VCL: variants seen among roughly 807,000 people sequenced by gnomAD.
The protein encoded by VCL is epididymis luminal protein 114.
In VCL, 47 loss-of-function variants were observed where a neutral mutation model predicts 125.7. The ratio of observed to expected loss-of-function variants is 0.37; its 90% CI spans 0.30 to 0.48. The LOEUF (loss-of-function observed/expected upper bound fraction) is 0.48. Ranked by LOEUF, VCL falls within the 20% of genes least tolerant of loss-of-function variation. The probability of loss-of-function intolerance (pLI) is 0.99; values close to 1 mark genes in which losing one functional copy is unlikely to be tolerated. For synonymous variants in VCL, 458 were observed against 514.6 expected (o/e 0.89, Z 1.49); for missense variants, 1,069 against 1,455.5 (o/e 0.73, Z 4.32).
chr10:74,097,734 C>T lies in VCL; in HGVS notation c.1872+402C>T, dbSNP rs1839993519. ...GGAAGAAATGAAGAATGGGGGTACTCCAGTCACAACTGTGCCTTTCGAGTC... is the reference window on the plus strand; with the variant it reads ...GGAAGAAATGAAGAATGGGGGTACTTCAGTCACAACTGTGCCTTTCGAGTC... On this transcript the variant is annotated intron_variant, in intron 13 of 21. Transcript: ENST00000211998. The surrounding 1 kb of genome is among the most constrained non-coding windows in gnomAD (Gnocchi z 4.1). Among the ~76,000 whole-genome samples, 1 of 152,116 alleles carries T rather than the reference C, an allele frequency of 6.6e-6. No individual in the cohort carries two copies. The highest frequency in any genetic ancestry group is 2.4e-5 in the African/African-American group (1 of 41,418).
chr10:74,117,898 A>C, intron 21 of VCL, 125 bp from the exon 22 acceptor site: 1 of 1,391,058 alleles, frequency 7.2e-7, no homozygotes. Context: ...CTAGTGATGC[A>C]AGCAAATATG....
At chr10:74,110,990 G>A (rs1387808649) in intron 18 of VCL, among the ~76,000 whole-genome samples, 1 of 152,278 alleles carries the variant, frequency 6.6e-6, no homozygotes, top group Admixed American at 6.5e-5. Flanking sequence ...CACTTGCCAA[G>A]TTCACATATT....
At chr10:74,096,506 A>C (rs1221659166) in intron 12 of VCL, among the ~76,000 whole-genome samples, 1 of 152,172 alleles carries the variant, frequency 6.6e-6, no homozygotes, top group East Asian at 1.9e-4. Context: ...AAATTATCTC[A>C]GGTATCACCA....
intron 2 of VCL, among the ~76,000 whole-genome samples, chr10:74,069,288 C>T (rs1275607882): frequency 6.6e-6 from 1 of 152,148 alleles, no homozygotes; most frequent in Admixed American, 6.5e-5. Context: ...GATCTGCCCA[C>T]CTTGGCCTCT....
At chr10:73,999,019 C>T (rs1840173365) in intron 1 of VCL, among the ~76,000 whole-genome samples, 1 of 152,156 alleles carries the variant, frequency 6.6e-6, no homozygotes, top group Non-Finnish European at 1.5e-5. Context: ...TACTTATGCT[C>T]ACTCCTCTGG....
In VCL at chr10:74,001,900, G is replaced by A. The variant is rs114007722; in HGVS notation, c.168+3525G>A. 3.3e-3 allele frequency among the ~76,000 whole-genome samples: 499 copies of A among 152,200 alleles called. 2 individuals are homozygous for A. The highest frequency in any genetic ancestry group is 0.011 in the African/African-American group (474 of 41,504). ...AATTAGTCTTATTTTGGTCAAGAAA[G>A]TGTACATTTTGACTGAAGTAGGCAT... On this transcript the variant is annotated intron_variant, in intron 1 of 21. Transcript: ENST00000211998.
At chr10:74,096,005 C>A in intron 12 of VCL, 150 bp downstream of exon 12, 2 of 1,043,290 alleles carry the variant, frequency 1.9e-6, no homozygotes, top group Non-Finnish European at 2.7e-6. Context: ...AAATCTAGAG[C>A]TTATTAGGAA....
chr10:74,037,999 C>CTTTTT (rs56198344), intron 1 of VCL, among the ~76,000 whole-genome samples: 16 of 130,050 alleles, frequency 1.2e-4, no homozygotes, highest in East Asian at 4.1e-4. Flanking sequence ...CTTTTCTTTT[C>CTTTTT]TTTTTTTTTT....
intron 2 of VCL, among the ~76,000 whole-genome samples, chr10:74,067,960 C>T (rs943761583): frequency 6.6e-6 from 1 of 152,170 alleles, no homozygotes; most frequent in African/African-American, 2.4e-5. Context: ...CTGAATTGTA[C>T]ACTTTGAAAT....
At chr10:74,082,126 G>A (rs1839686348) in intron 6 of VCL, among the ~76,000 whole-genome samples, 1 of 152,328 alleles carries the variant, frequency 6.6e-6, no homozygotes, top group Non-Finnish European at 1.5e-5. Context: ...GGCTGACAAT[G>A]AGGCATGTGA....
chr10:74,050,072 A>C (rs932914333), intron 2 of VCL, among the ~76,000 whole-genome samples: 2 of 152,264 alleles, frequency 1.3e-5, no homozygotes, highest in Non-Finnish European at 2.9e-5. Flanking sequence ...GAATGGATCA[A>C]AAAGCATCAC....
At chr10:74,072,128 A>G (rs1297806082) in intron 4 of VCL, among the ~76,000 whole-genome samples, 9 of 152,240 alleles carry the variant, frequency 5.9e-5, no homozygotes, top group Admixed American at 5.2e-4. Flanking sequence ...AACAACCAAC[A>G]TAAACAAAAA....
At chr10:74,098,205 C>T (rs979794028) in intron 13 of VCL, among the ~76,000 whole-genome samples, 5 of 152,088 alleles carry the variant, frequency 3.3e-5, no homozygotes, top group Admixed American at 6.5e-5. Context: ...TCGTTTGTTC[C>T]AGTCTTCTCC....
chr10:74,108,988 TC>T lies in VCL; in HGVS notation c.2579del (p.Pro860LeufsTer34), dbSNP rs1840179829. On this transcript the variant is annotated frameshift_variant, in exon 18 of 22. Transcript: ENST00000211998. LOFTEE classifies it high-confidence loss of function. The stretch of plus-strand genomic sequence containing the variant: ...TTTTTTAGCTAACAGATGAGCTTGC[TC>T]CTCCCAAACCACCTCTGCCTGAAGG... ...EQLRLTDELA[P>X]PKPPLPEGEV... 16 of 1,614,120 alleles carry T rather than the reference TC, an allele frequency of 9.9e-6. No individual in the cohort carries two copies. Among genetic ancestry groups the T allele is most frequent in the Non-Finnish European group, 1.4e-5 (16 of 1,180,018 alleles).
chr10:74,030,531 G>A (rs1840856144), intron 1 of VCL, among the ~76,000 whole-genome samples: 1 of 152,150 alleles, frequency 6.6e-6, no homozygotes, highest in South Asian at 2.1e-4. Flanking sequence ...ATGGCTTCAG[G>A]AACTTTTCCG....
chr10:74,073,788 A>G (rs1484170136), intron 5 of VCL, among the ~76,000 whole-genome samples: 1 of 152,242 alleles, frequency 6.6e-6, no homozygotes, highest in African/African-American at 2.4e-5. Flanking sequence ...CATGGTTTAT[A>G]TGAATTATCT....
At chr10:74,111,206 G>A (rs778762627) in intron 18 of VCL, among the ~76,000 whole-genome samples, 4 of 152,204 alleles carry the variant, frequency 2.6e-5, no homozygotes, top group Non-Finnish European at 4.4e-5. Context: ...GGCGGCTGAC[G>A]AGGTGGCTTC....
At chr10:74,034,644 T>C (rs1448430428) in intron 1 of VCL, among the ~76,000 whole-genome samples, 1 of 152,188 alleles carries the variant, frequency 6.6e-6, no homozygotes, top group Non-Finnish European at 1.5e-5. Flanking sequence ...GCCTCCCACA[T>C]GGGAAGTACT....
At chr10:74,079,756 T>G (rs1010045420) in intron 6 of VCL, among the ~76,000 whole-genome samples, 1 of 152,206 alleles carries the variant, frequency 6.6e-6, no homozygotes, top group Non-Finnish European at 1.5e-5. Flanking sequence ...TTACTAGATA[T>G]GACTAACATA....
Sources: gnomAD v4.1 joint callset for allele counts (sites outside exome capture counted in the v4.1 genomes callset) on GRCh38, gnomAD v4.1.1 for gene constraint, Gnocchi (gnomAD v3.1) non-coding constraint, MANE v1.5 for transcripts, NCBI Gene and HGNC (gene_info 2026-07-23, HGNC 2026-07-21) for gene names.